PRDM6: variants seen among roughly 807,000 people sequenced by gnomAD.
PRDM6 encodes putative histone-lysine N-methyltransferase PRDM6.
PRDM6 carries 25 observed loss-of-function variants against 60.8 expected under a neutral mutation model. That is an observed-to-expected ratio of 0.41 (90% CI 0.30 to 0.57). The LOEUF is 0.57. Ranked by LOEUF, PRDM6 falls within the 20% of genes least tolerant of loss-of-function variation. The probability of loss-of-function intolerance (pLI) is 0.27; values close to 1 mark genes in which losing one functional copy is unlikely to be tolerated. For synonymous variants in PRDM6, 407 were observed against 357.4 expected (o/e 1.14, Z -1.57); for missense variants, 839 against 821.3 (o/e 1.02, Z -0.26).
intron 2 of PRDM6, among the ~76,000 whole-genome samples, chr5:123,095,336 C>T (rs1763931989): frequency 6.6e-6 from 1 of 152,232 alleles, no homozygotes; most frequent in Non-Finnish European, 1.5e-5. Context: ...GCCTGGGCGC[C>T]CCACCCCGCC....
At chr5:123,143,679 A>G (rs1393739587) in intron 3 of PRDM6, among the ~76,000 whole-genome samples, 2 of 152,128 alleles carry the variant, frequency 1.3e-5, no homozygotes, top group African/African-American at 4.8e-5. Context: ...AGCTGTGTGA[A>G]AGGAGCTTTA....
At chr5:123,116,241 C>T (rs1249441197) in intron 3 of PRDM6, among the ~76,000 whole-genome samples, 1 of 152,206 alleles carries the variant, frequency 6.6e-6, no homozygotes, top group Non-Finnish European at 1.5e-5. Flanking sequence ...AACTAAACGC[C>T]TCCACACAGT....
chr5:123,119,257 A>G (rs1237689442), intron 3 of PRDM6, among the ~76,000 whole-genome samples: 1 of 152,212 alleles, frequency 6.6e-6, no homozygotes, highest in Non-Finnish European at 1.5e-5. Context: ...ATGAGTAGAG[A>G]TTAGAGTAGG....
At chr5:123,155,262 C>CTTTTTTTTTTTTTTTT (rs759225954) in intron 3 of PRDM6, among the ~76,000 whole-genome samples, 1 of 92,738 alleles carries the variant, frequency 1.1e-5, no homozygotes, top group East Asian at 4.1e-4. Context: ...GAGGGTCTCT[C>CTTTTTTTTTTTTTTTT]TTTTTTTTTT....
At chr5:123,158,669 G>A (rs1434526411) in intron 4 of PRDM6, among the ~76,000 whole-genome samples, 1 of 152,140 alleles carries the variant, frequency 6.6e-6, no homozygotes, top group Non-Finnish European at 1.5e-5. Context: ...TGTCTGCAGT[G>A]TTATACAAGG....
intron 7 of PRDM6, among the ~76,000 whole-genome samples, chr5:123,185,823 T>A (rs1214254765): frequency 6.6e-6 from 1 of 152,204 alleles, no homozygotes; most frequent in East Asian, 1.9e-4. Flanking sequence ...TAATATAATT[T>A]ACTGAAGAGG....
At position 123,153,493 on chromosome 5, in the gene PRDM6, A is replaced by G. The variant is rs540024728; in HGVS notation, c.901-2391A>G. ...GTAGTCGTGGGGTTTAAGTAGGTGC[A>G]TGGGATTTGCGTCACAGTTTCATGT... On this transcript the variant is annotated intron_variant, in intron 3 of 7. Transcript: ENST00000407847. Among the ~76,000 whole-genome samples the G allele has an allele frequency of 5.9e-5, 9 of 152,288 alleles. No individual in the cohort carries two copies. In the South Asian group the frequency reaches 1.9e-3, roughly 32 times the overall value.
rs777339067 is a variant in PRDM6, at chr5:123,099,761, C to T, written c.700C>T (p.Pro234Ser). ...GTSSAAAAAPPPELPEWLRDL... is the reference protein window; with the variant it reads ...GTSSAAAAAPSPELPEWLRDL... ...CAGCAGCGCTGCGGCCGCCGCGCCC[C>T]CGCCGGAGCTGCCGGAGTGGCTGCG... Residue 234 changes from proline (P) to serine (S), a missense_variant, in exon 3 of 8, where the codon CCG becomes TCG. Transcript: ENST00000407847. The surrounding 1 kb of genome is among the most constrained non-coding windows in gnomAD (Gnocchi z 4.0). 376 of 1,546,880 alleles carry T rather than the reference C, an allele frequency of 2.4e-4. 1 individual carries two copies. The highest frequency in any genetic ancestry group is 3.0e-4 in the Non-Finnish European group (347 of 1,145,232).
At position 123,191,159 on chromosome 5, in the gene PRDM6, T is replaced by A. The variant is rs1173428850; in HGVS notation, c.*3958T>A. 6.6e-6 allele frequency: 1 copy of A among 152,164 alleles called. No homozygotes were observed. The highest frequency in any genetic ancestry group is 1.5e-5 in the Non-Finnish European group (1 of 68,044). The allele number at this position is 152,164 out of a possible 1,614,324, so 9.4% of individuals were successfully genotyped here. A position where few individuals can be genotyped will look rare whatever the true frequency, so the allele number is the denominator to read the frequency against. ...GGCTGGAGTTGCTCAGGGAAGGAGA[T>A]CTGCGACCCTGAATGGGTCAGAGTT... is the stretch of plus-strand genomic sequence containing the variant. On this transcript the variant is annotated 3_prime_UTR_variant, in exon 8 of 8. Transcript: ENST00000407847.
chr5:123,136,520 T>G (rs1267618829), intron 3 of PRDM6, among the ~76,000 whole-genome samples: 1 of 152,188 alleles, frequency 6.6e-6, no homozygotes, highest in Non-Finnish European at 1.5e-5. Context: ...AATTAGAAAC[T>G]AAGTAGCCAG....
intron 3 of PRDM6, among the ~76,000 whole-genome samples, chr5:123,130,151 C>CT (rs1561836332): frequency 4.8e-5 from 1 of 20,698 alleles, no homozygotes; most frequent in African/African-American, 3.2e-4. Flanking sequence ...TCTCCCCTTC[C>CT]CTCCCCTCCC....
intron 3 of PRDM6, among the ~76,000 whole-genome samples, chr5:123,103,797 C>T (rs747096346): frequency 6.6e-6 from 1 of 151,892 alleles, no homozygotes; most frequent in Non-Finnish European, 1.5e-5. Flanking sequence ...TTAAGATAGG[C>T]TAGAATTACT....
chr5:123,093,584 T>C (rs994983553), intron 2 of PRDM6, among the ~76,000 whole-genome samples: 1 of 152,260 alleles, frequency 6.6e-6, no homozygotes, highest in African/African-American at 2.4e-5. Context: ...TTGCTGCTGC[T>C]GCCGCCTTCT....
At chr5:123,166,455 TA>T (rs368065152) in intron 5 of PRDM6, among the ~76,000 whole-genome samples, 3,528 of 89,984 alleles carry the variant, frequency 0.039, 56 homozygotes, top group Admixed American at 0.06. Context: ...TTTTGTTTTT[TA>T]TTTTACATTT....
At chr5:123,111,052 G>A (rs1420836793) in intron 3 of PRDM6, among the ~76,000 whole-genome samples, 2 of 151,962 alleles carry the variant, frequency 1.3e-5, no homozygotes, top group African/African-American at 2.4e-5. Context: ...CAAATTAACA[G>A]TAATAATAAT....
chr5:123,173,793 A>G (rs1292447160), intron 6 of PRDM6, among the ~76,000 whole-genome samples: 1 of 152,180 alleles, frequency 6.6e-6, no homozygotes, highest in Non-Finnish European at 1.5e-5. Context: ...TTCTAGTTAC[A>G]TAATTTGCTT....
At chr5:123,146,612 G>T (rs991294860) in intron 3 of PRDM6, among the ~76,000 whole-genome samples, 1 of 152,128 alleles carries the variant, frequency 6.6e-6, no homozygotes, top group African/African-American at 2.4e-5. Flanking sequence ...TGTTGTTGTT[G>T]TTGTTTCCAA....
chr5:123,134,720 C>T (rs1764913673), intron 3 of PRDM6, among the ~76,000 whole-genome samples: 1 of 152,152 alleles, frequency 6.6e-6, no homozygotes, highest in African/African-American at 2.4e-5. Flanking sequence ...CTCTACCAAT[C>T]ATTTTCAATA....
At chr5:123,168,417 T>C (rs1050253434) in intron 5 of PRDM6, among the ~76,000 whole-genome samples, 1 of 152,110 alleles carries the variant, frequency 6.6e-6, no homozygotes, top group African/African-American at 2.4e-5. Context: ...GTCTTATAAG[T>C]CTGAAAGCTA....
Sources: allele counts gnomAD v4.1 joint callset (sites outside exome capture counted in the v4.1 genomes callset), GRCh38; gene constraint gnomAD v4.1.1; non-coding constraint Gnocchi (gnomAD v3.1); transcripts MANE v1.5; gene names NCBI Gene and HGNC (gene_info 2026-07-23, HGNC 2026-07-21).